The following TTC39C variants were observed in gnomAD, a reference collection of about 807,000 sequenced individuals.
The protein encoded by TTC39C is tetratricopeptide repeat domain 39C.
In TTC39C, 33 loss-of-function variants were observed where a neutral mutation model predicts 76.3. That is an observed-to-expected ratio of 0.43 (90% CI 0.33 to 0.58). TTC39C has a LOEUF of 0.58. TTC39C is among the 20% of genes least tolerant of loss of function. The pLI is 0.04. For missense variants in TTC39C, 595 were observed against 701.4 expected, an observed-to-expected ratio of 0.85 and a Z score of 1.71; for synonymous variants, 254 against 260.6, an observed-to-expected ratio of 0.97 and a Z score of 0.24.
In TTC39C at chr18:24,092,108, A is replaced by T. The variant is rs1257553941; in HGVS notation, c.984+9027A>T. On this transcript the variant is annotated intron_variant, in intron 6 of 13. Coordinates refer to ENST00000317571, the MANE Select transcript of TTC39C (RefSeq NM_001135993.2). Reference sequence around the variant, plus strand: ...ACTCAGTCTCAAAAAAAAAAAAAAAAAAAAAAAAAAAAAAAAATAATAATA... The same window carrying T: ...ACTCAGTCTCAAAAAAAAAAAAAAATAAAAAAAAAAAAAAAAATAATAATA... Among the ~76,000 whole-genome samples the T allele has an allele frequency of 5.0e-3, 675 of 134,352 alleles. 16 individuals carry two copies. The highest frequency in any genetic ancestry group is 0.013 in the African/African-American group (504 of 39,270). The allele number at this position is 134,352 out of a possible 152,430, so 88.1% of individuals were successfully genotyped here. A position where few individuals can be genotyped will look rare whatever the true frequency, so the allele number is the denominator to read the frequency against.
In TTC39C at chr18:24,123,854, G is replaced by A; in HGVS notation, c.1207G>A (p.Asp403Asn). The A allele has an allele frequency of 1.2e-6, 2 of 1,610,886 alleles. No individual in the cohort carries two copies. Among genetic ancestry groups the A allele is most frequent in the Non-Finnish European group, 1.7e-6 (2 of 1,179,320 alleles). The change falls in exon 9 of 14, where the codon GAT (aspartate) becomes AAT (asparagine). Residue 403 changes from aspartate (D) to asparagine (N), a missense_variant. Transcript: ENST00000317571. ...TACAGTTTGTCAGGGAGCCACTGGTGATGTGGATGGGGCACAGATTGTCTT... is the reference window on the plus strand; with the variant it reads ...TACAGTTTGTCAGGGAGCCACTGGTAATGTGGATGGGGCACAGATTGTCTT... ...LTAVCQGATG[D>N]VDGAQIVFKE... is the part of the protein sequence containing the mutation.
intron 1 of TTC39C, among the ~76,000 whole-genome samples, chr18:24,045,956 T>TTTTTTTTTG (rs2083875733): frequency 8.3e-6 from 1 of 120,258 alleles, no homozygotes; most frequent in Non-Finnish European, 1.7e-5. Flanking sequence ...TTTTTTTTTT[T>TTTTTTTTTG]GAGACGGAGA....
At chr18:24,096,705 T>G (rs1163083841) in intron 6 of TTC39C, among the ~76,000 whole-genome samples, 2 of 152,208 alleles carry the variant, frequency 1.3e-5, no homozygotes, top group Non-Finnish European at 2.9e-5. Context: ...TCTTTTTACT[T>G]TTTATATTTT....
chr18:24,119,971 C>G (rs879550588), intron 8 of TTC39C, among the ~76,000 whole-genome samples: 9 of 151,104 alleles, frequency 6.0e-5, no homozygotes, highest in Non-Finnish European at 8.8e-5. Context: ...ATTCCCCCCC[C>G]CCAATATTTG....
chr18:24,118,917 A>G (rs1008898726), intron 8 of TTC39C, among the ~76,000 whole-genome samples: 3 of 152,026 alleles, frequency 2.0e-5, no homozygotes, highest in Non-Finnish European at 4.4e-5. Flanking sequence ...CAGCCTCCCA[A>G]AGCACTGGGA....
intron 1 of TTC39C, among the ~76,000 whole-genome samples, chr18:24,039,042 C>CA (rs1014093372): frequency 6.6e-6 from 1 of 152,208 alleles, no homozygotes. Flanking sequence ...ACCATAGAAA[C>CA]AGAGATACAT....
intron 10 of TTC39C, among the ~76,000 whole-genome samples, chr18:24,127,012 A>G (rs913662826): frequency 6.6e-6 from 1 of 152,258 alleles, no homozygotes; most frequent in African/African-American, 2.4e-5. Context: ...AACATTCACA[A>G]GAACAATTAC....
chr18:24,129,228 A>G (rs1274231517), intron 11 of TTC39C, among the ~76,000 whole-genome samples: 3 of 152,192 alleles, frequency 2.0e-5, no homozygotes, highest in Non-Finnish European at 4.4e-5. Context: ...TGGCACTAAT[A>G]TTTATCAAGA....
intron 7 of TTC39C, among the ~76,000 whole-genome samples, chr18:24,117,499 C>G (rs907978147): frequency 6.6e-6 from 1 of 152,006 alleles, no homozygotes; most frequent in Non-Finnish European, 1.5e-5. Flanking sequence ...GTCAGGAGTT[C>G]AAGACCAGCC....
At chr18:24,044,729 A>C (rs1038556990) in intron 1 of TTC39C, among the ~76,000 whole-genome samples, 3 of 152,234 alleles carry the variant, frequency 2.0e-5, no homozygotes, top group Non-Finnish European at 4.4e-5. Flanking sequence ...ATTCAGTTTA[A>C]CAGAGCAGGC....
intron 1 of TTC39C, among the ~76,000 whole-genome samples, chr18:24,002,669 C>G (rs1423768538): frequency 6.6e-6 from 1 of 152,052 alleles, no homozygotes; most frequent in Non-Finnish European, 1.5e-5. Context: ...CAGGACAGTT[C>G]TACAAAATGA....
chr18:24,063,593 A>G (rs1249390921), intron 1 of TTC39C, among the ~76,000 whole-genome samples: 1 of 149,554 alleles, frequency 6.7e-6, no homozygotes, highest in African/African-American at 2.5e-5. Context: ...GCTCAGTGCA[A>G]CCTCCACCTC....
intron 1 of TTC39C, among the ~76,000 whole-genome samples, chr18:24,045,918 TATATA>T (rs1568417455): frequency 6.6e-4 from 22 of 33,446 alleles, no homozygotes; most frequent in Admixed American, 2.8e-3. Context: ...TATATATATA[TATATA>T]TATATTTTTT....
At chr18:24,018,982 A>T (rs2083488469) in intron 1 of TTC39C, among the ~76,000 whole-genome samples, 1 of 152,052 alleles carries the variant, frequency 6.6e-6, no homozygotes, top group African/African-American at 2.4e-5. Flanking sequence ...TTTCACCATG[A>T]CCATTGTCCA....
intron 1 of TTC39C, among the ~76,000 whole-genome samples, chr18:24,059,022 G>C (rs1334888402): frequency 6.6e-6 from 1 of 152,080 alleles, no homozygotes; most frequent in African/African-American, 2.4e-5. Flanking sequence ...TGAGCTCTTA[G>C]TTGGATATGT....
chr18:24,073,299 C>T (rs927264096), intron 4 of TTC39C, among the ~76,000 whole-genome samples: 4 of 152,142 alleles, frequency 2.6e-5, no homozygotes, highest in African/African-American at 7.2e-5. Flanking sequence ...TCCTTTTGTG[C>T]GGGGCATGTA....
chr18:23,999,422 A>G (rs1257119817), intron 1 of TTC39C, among the ~76,000 whole-genome samples: 1 of 152,222 alleles, frequency 6.6e-6, no homozygotes, highest in Non-Finnish European at 1.5e-5. Flanking sequence ...AAATCGTCAC[A>G]GGGGAGGAAG....
intron 1 of TTC39C, among the ~76,000 whole-genome samples, chr18:24,061,593 TAAAAA>T (rs35502981): frequency 1.0e-5 from 1 of 95,824 alleles, no homozygotes; most frequent in African/African-American, 4.1e-5. Context: ...TTGAAATAAG[TAAAAA>T]AAAAAAAAAA....
chr18:24,039,365 G>A (rs146580450), intron 1 of TTC39C, among the ~76,000 whole-genome samples: 6 of 152,306 alleles, frequency 3.9e-5, no homozygotes, highest in East Asian at 1.9e-4. Context: ...TTCTGTGGCC[G>A]CACAAAGAGA....
Sources: allele counts gnomAD v4.1 joint callset (sites outside exome capture counted in the v4.1 genomes callset), GRCh38; gene constraint gnomAD v4.1.1; transcripts MANE v1.5; gene names NCBI Gene and HGNC (gene_info 2026-07-23, HGNC 2026-07-21).